Variants in PTPRG observed in about 807,000 individuals in gnomAD.
PTPRG encodes receptor-type tyrosine-protein phosphatase gamma.
In PTPRG, 102 loss-of-function variants were observed where a neutral mutation model predicts 165.3. That is an observed-to-expected ratio of 0.62 (90% CI 0.53 to 0.73). The LOEUF is 0.73. Ranked by LOEUF, PTPRG falls within the 30% of genes least tolerant of loss-of-function variation. The pLI, the probability that PTPRG is intolerant of heterozygous loss-of-function variation, is 0.00. For missense variants in PTPRG, 1,866 were observed against 1,861.4 expected (o/e 1.00, Z -0.05); for synonymous variants, 675 against 669.5 (o/e 1.01, Z -0.13).
At chr3:61,893,207 T>C (rs2038264335) in intron 2 of PTPRG, among the ~76,000 whole-genome samples, 1 of 152,230 alleles carries the variant, frequency 6.6e-6, no homozygotes. Context: ...GGAGATAGCA[T>C]ATTTTGGGAA....
rs142234159 is a variant in PTPRG at position 62,018,778 on chromosome 3, C to T, written c.519+15281C>T. Among the ~76,000 whole-genome samples, 8 of 152,202 alleles carry T rather than the reference C, an allele frequency of 5.3e-5. No individual in the cohort carries two copies. In the East Asian group the frequency reaches 1.2e-3, roughly 22 times the overall value. On this transcript the variant is annotated intron_variant, in intron 4 of 29. Transcript: ENST00000474889. ...GGGCAGGTCTACATGAGCCACATCC[C>T]GGGGAAGCAGGAGGACCCACCCACA... is the stretch of plus-strand genomic sequence containing the variant.
intron 7 of PTPRG, among the ~76,000 whole-genome samples, chr3:62,159,057 G>T (rs1174122809): frequency 6.6e-6 from 1 of 152,008 alleles, no homozygotes; most frequent in African/African-American, 2.4e-5. Flanking sequence ...CGGCTCAGTG[G>T]CTCATGCCTA....
intron 28 of PTPRG, among the ~76,000 whole-genome samples, chr3:62,288,300 A>G (rs1235811072): frequency 2.0e-5 from 3 of 152,184 alleles, no homozygotes; most frequent in African/African-American, 7.2e-5. Context: ...AATTTAAGCA[A>G]TAAATAGTTT....
Position 62,254,511 on chromosome 3 carries a change from C to G in PTPRG, c.2468-613C>G, listed in dbSNP as rs1701492381. Reference sequence around the variant, plus strand: ...CCTAGTCTGTCAACACCAAAAAAATCCAGTTAATTCAGTCAAACTGATTAT... The same window carrying G: ...CCTAGTCTGTCAACACCAAAAAAATGCAGTTAATTCAGTCAAACTGATTAT... On this transcript the variant is annotated intron_variant, in intron 15 of 29. Transcript: ENST00000474889. The surrounding 1 kb of genome is among the most constrained non-coding windows in gnomAD (Gnocchi z 4.6). Among the ~76,000 whole-genome samples, 2 of 152,098 alleles carry G rather than the reference C, an allele frequency of 1.3e-5. No homozygotes were observed.
chr3:61,897,012 C>T (rs930284168), intron 2 of PTPRG, among the ~76,000 whole-genome samples: 2 of 151,488 alleles, frequency 1.3e-5, no homozygotes, highest in Admixed American at 6.6e-5. Context: ...GTATTTTTCC[C>T]AGTCTGTAAC....
chr3:61,647,475 T>G (rs1439866719), intron 1 of PTPRG, among the ~76,000 whole-genome samples: 3 of 152,182 alleles, frequency 2.0e-5, no homozygotes, highest in African/African-American at 4.8e-5. Context: ...CTGTAATTGT[T>G]CAGGTTCATC....
chr3:61,742,915 A>G (rs749451335), intron 1 of PTPRG: 2 of 1,470,556 alleles, frequency 1.4e-6, no homozygotes, highest in South Asian at 1.1e-5. Flanking sequence ...CAGGACACAC[A>G]CACACAACTT....
intron 1 of PTPRG, among the ~76,000 whole-genome samples, chr3:61,572,861 G>T (rs1040759612): frequency 6.6e-6 from 1 of 152,212 alleles, no homozygotes; most frequent in Admixed American, 6.5e-5. Flanking sequence ...GGAGGTGTTT[G>T]TCACCCAAGC....
At chr3:61,899,565 C>CT (rs2038447292) in intron 2 of PTPRG, among the ~76,000 whole-genome samples, 1 of 152,112 alleles carries the variant, frequency 6.6e-6, no homozygotes, top group Admixed American at 6.5e-5. Context: ...ACATTGCTCT[C>CT]TGTTGTTGTG....
At chr3:62,085,325 A>G (rs1000431184) in intron 5 of PTPRG, among the ~76,000 whole-genome samples, 4 of 130,438 alleles carry the variant, frequency 3.1e-5, no homozygotes, top group African/African-American at 1.5e-4. Context: ...GACATTGAAC[A>G]TGAAGACTGT....
At chr3:62,071,716 A>C (rs1701215883) in intron 4 of PTPRG, among the ~76,000 whole-genome samples, 1 of 152,202 alleles carries the variant, frequency 6.6e-6, no homozygotes, top group South Asian at 2.1e-4. Flanking sequence ...TTGAACTCTG[A>C]GATTTGAAAG....
intron 2 of PTPRG, among the ~76,000 whole-genome samples, chr3:61,888,435 G>A (rs1169984636): frequency 6.6e-6 from 1 of 151,918 alleles, no homozygotes; most frequent in Non-Finnish European, 1.5e-5. Context: ...CCGGGTTCAC[G>A]CCATTTTCCT....
At chr3:62,234,088 A>G (rs1387432928) in intron 14 of PTPRG, among the ~76,000 whole-genome samples, 3 of 152,188 alleles carry the variant, frequency 2.0e-5, no homozygotes, top group African/African-American at 7.2e-5. Context: ...CCTTGTACAC[A>G]ATGGAATACA....
rs865834351 is a variant in PTPRG at position 62,190,816 on chromosome 3, T to C, written c.1034-653T>C. On this transcript the variant is annotated intron_variant, in intron 8 of 29. Coordinates refer to ENST00000474889, the MANE Select transcript of PTPRG (RefSeq NM_002841.4). The surrounding 1 kb of genome is among the most constrained non-coding windows in gnomAD (Gnocchi z 5.2). ...TCATGAAGAAAAAGGCTGTTGACCA[T>C]GAGGCTGAAGTCAGGGGGACACAGT... Among the ~76,000 whole-genome samples, 2 of 152,182 alleles carry C rather than the reference T, an allele frequency of 1.3e-5. No homozygotes were observed. Among genetic ancestry groups the C allele is most frequent in the African/African-American group, 2.4e-5 (1 of 41,452 alleles).
chr3:61,748,720 C>G (rs576867663), intron 1 of PTPRG, among the ~76,000 whole-genome samples, 158 bp from the exon 2 acceptor site: 53 of 113,060 alleles, frequency 4.7e-4, no homozygotes, highest in African/African-American at 1.8e-3. Context: ...TCTGGACTTT[C>G]CTATAGTTTT....
In PTPRG at chr3:61,760,286, C is replaced by T. The variant is rs1000467440; in HGVS notation, c.190+11304C>T. 5.3e-5 allele frequency among the ~76,000 whole-genome samples: 8 copies of T among 152,234 alleles called. No individual in the cohort carries two copies. The East Asian group carries it at 1.5e-3, about 29-fold the overall frequency. On this transcript the variant is annotated intron_variant, in intron 2 of 29. Transcript: ENST00000474889. The stretch of plus-strand genomic sequence containing the variant: ...GTATCCTAGTTCAAAAGTTATGGCT[C>T]ATTGTAAGTGCTGGTCTGGTATAAC...
chr3:61,985,469 T>A (rs549140699), intron 2 of PTPRG, among the ~76,000 whole-genome samples: 1 of 152,230 alleles, frequency 6.6e-6, no homozygotes, highest in Non-Finnish European at 1.5e-5. Context: ...TACTGAACTT[T>A]TAGTGTTTGA....
chr3:61,997,487 G>A (rs923377677), intron 3 of PTPRG, among the ~76,000 whole-genome samples: 22 of 152,110 alleles, frequency 1.4e-4, no homozygotes, highest in African/African-American at 4.6e-4. Context: ...ACTACCACAG[G>A]GCCATTGATT....
At chr3:61,890,623 A>G (rs1301187381) in intron 2 of PTPRG, among the ~76,000 whole-genome samples, 1 of 152,070 alleles carries the variant, frequency 6.6e-6, no homozygotes, top group Non-Finnish European at 1.5e-5. Context: ...TGTTCTAAAC[A>G]TGCAGTGACT....
Sources: allele counts gnomAD v4.1 joint callset (sites outside exome capture counted in the v4.1 genomes callset), GRCh38; gene constraint gnomAD v4.1.1; non-coding constraint Gnocchi (gnomAD v3.1); transcripts MANE v1.5; gene names NCBI Gene and HGNC (gene_info 2026-07-23, HGNC 2026-07-21).